Variants in SPTLC2 observed in about 807,000 individuals in gnomAD.
The protein encoded by SPTLC2 is serine palmitoyltransferase 2.
A neutral mutation model predicts 62.0 loss-of-function variants in SPTLC2; 21 were observed. The ratio of observed to expected loss-of-function variants is 0.34; its 90% confidence interval spans 0.24 to 0.49. The LOEUF (loss-of-function observed/expected upper bound fraction) is 0.49, where lower values mean the gene tolerates loss of function less well. Among genes scored for constraint, SPTLC2 ranks in the 20% least tolerant of loss-of-function variants. The pLI, the probability that SPTLC2 is intolerant of heterozygous loss-of-function variation, is 0.99. For missense variants in SPTLC2, 511 were observed against 713.0 expected (o/e 0.72, Z 3.23); for synonymous variants, 261 against 261.8 (o/e 1.00, Z 0.03).
intron 2 of SPTLC2, among the ~76,000 whole-genome samples, chr14:77,582,795 G>A (rs2079759063): frequency 6.6e-6 from 1 of 152,190 alleles, no homozygotes; most frequent in African/African-American, 2.4e-5. Flanking sequence ...AAAAGCGGGT[G>A]GCATAGAATG....
At chr14:77,567,443 C>T (rs910486635) in intron 5 of SPTLC2, among the ~76,000 whole-genome samples, 4 of 152,182 alleles carry the variant, frequency 2.6e-5, no homozygotes, top group African/African-American at 7.2e-5. Flanking sequence ...AGGACAGCAA[C>T]GTATTATAAC....
intron 11 of SPTLC2, among the ~76,000 whole-genome samples, chr14:77,513,587 A>G (rs1045450319): frequency 1.3e-5 from 2 of 152,118 alleles, no homozygotes; most frequent in Admixed American, 6.6e-5. Context: ...ACAAGATGTA[A>G]TAATTTAAGA....
At chr14:77,569,836 A>ATTT (rs1446031643) in intron 5 of SPTLC2, among the ~76,000 whole-genome samples, 6 of 34,882 alleles carry the variant, frequency 1.7e-4, no homozygotes, top group Non-Finnish European at 5.0e-4. Flanking sequence ...TATATATAAT[A>ATTT]TACAATATTA....
chr14:77,609,500 T>G (rs176898), intron 1 of SPTLC2, among the ~76,000 whole-genome samples: 87,115 of 152,038 alleles, frequency 0.57, 25,249 homozygotes, highest in East Asian at 0.68. Context: ...ACTTTGGAAG[T>G]CCGAAGCGGA....
chr14:77,562,897 A>T (rs2079622813), intron 5 of SPTLC2, among the ~76,000 whole-genome samples: 1 of 152,156 alleles, frequency 6.6e-6, no homozygotes, highest in Admixed American at 6.5e-5. Flanking sequence ...TGTCTGTGGA[A>T]ATGGTGCATT....
intron 4 of SPTLC2, among the ~76,000 whole-genome samples, chr14:77,574,427 A>T (rs1290713236): frequency 6.6e-6 from 1 of 152,216 alleles, no homozygotes; most frequent in East Asian, 1.9e-4. Context: ...CTCTTTGGAA[A>T]ACAGTTTAGC....
intron 2 of SPTLC2, among the ~76,000 whole-genome samples, chr14:77,594,164 T>C (rs977164341): frequency 1.3e-5 from 2 of 152,204 alleles, no homozygotes; most frequent in African/African-American, 4.8e-5. Flanking sequence ...GTTCTATATC[T>C]TCATATAATC....
At chr14:77,552,805 TAAAAA>T (rs58847640) in intron 8 of SPTLC2, among the ~76,000 whole-genome samples, 9,169 of 130,918 alleles carry the variant, frequency 0.07, 331 homozygotes, top group Middle Eastern at 0.088. Flanking sequence ...GACTCCGTCT[TAAAAA>T]AAAAAAAAAA....
intron 8 of SPTLC2, among the ~76,000 whole-genome samples, chr14:77,554,340 C>T (rs530065849): frequency 7.4e-4 from 113 of 152,252 alleles, no homozygotes; most frequent in Non-Finnish European, 1.2e-3. Flanking sequence ...CAGAGTTGTG[C>T]CACTTTTACC....
chr14:77,508,384 T>TATG lies in SPTLC2; in HGVS notation c.*3899_*3900insCAT, dbSNP rs2079316227. 6.6e-6 allele frequency: 1 copy of TATG among 152,164 alleles called. No individual in the cohort carries two copies. The highest frequency in any genetic ancestry group is 6.5e-5 in the Admixed American group (1 of 15,278). 9.4% of individuals were successfully genotyped at this position (152,164 alleles called of 1,614,324 possible). A position where few individuals can be genotyped will look rare whatever the true frequency, so the allele number is the denominator to read the frequency against. ...GAGGAAAGATACCTTGGGAATTAGG[T>TATG]CATAGCAATGCTTCAAACAACAACT... On this transcript the variant is annotated 3_prime_UTR_variant, in exon 12 of 12. Transcript: ENST00000216484.
Position 77,509,308 on chromosome 14 carries a change from A to G in SPTLC2, c.*2976T>C, listed in dbSNP as rs2079320662. The G allele has an allele frequency of 6.6e-6, 1 of 152,208 alleles. No individual in the cohort carries two copies. Among genetic ancestry groups the G allele is most frequent in the Non-Finnish European group, 1.5e-5 (1 of 68,038 alleles). 9.4% of individuals were successfully genotyped at this position (152,208 alleles called of 1,614,324 possible). On this transcript the variant is annotated 3_prime_UTR_variant, in exon 12 of 12. Transcript: ENST00000216484. ...CCCCTGCTAAGTTAAAGCTTAAAAA[A>G]AAAAAGATGCGAGGAGAAACCGCCA... is the stretch of plus-strand genomic sequence containing the variant.
At chr14:77,576,612 T>C (rs1394224744) in intron 4 of SPTLC2, among the ~76,000 whole-genome samples, 155 bp downstream of exon 4, 2 of 152,046 alleles carry the variant, frequency 1.3e-5, no homozygotes, top group Admixed American at 6.6e-5. Flanking sequence ...ATTGAAATCA[T>C]CCATCACACT....
At chr14:77,525,001 T>C (rs2079401720) in intron 9 of SPTLC2, among the ~76,000 whole-genome samples, 3 of 152,200 alleles carry the variant, frequency 2.0e-5, no homozygotes, top group Non-Finnish European at 2.9e-5. Flanking sequence ...AGAGCTGAAA[T>C]GTTCTAAACA....
At chr14:77,552,039 C>T in intron 9 of SPTLC2, 57 bp downstream of exon 9, 1 of 1,605,884 alleles carries the variant, frequency 6.2e-7, no homozygotes, top group Non-Finnish European at 8.5e-7. Context: ...TCAAGAAAAA[C>T]AGCACGTTTG....
At chr14:77,578,571 T>C (rs886615427) in intron 3 of SPTLC2, among the ~76,000 whole-genome samples, 2 of 151,700 alleles carry the variant, frequency 1.3e-5, no homozygotes, top group Admixed American at 1.3e-4. Flanking sequence ...AATACAAAAA[T>C]TAGCTGGGTG....
At chr14:77,575,132 G>A (rs1468757415) in intron 4 of SPTLC2, among the ~76,000 whole-genome samples, 3 of 152,178 alleles carry the variant, frequency 2.0e-5, no homozygotes, top group Non-Finnish European at 4.4e-5. Flanking sequence ...TGAGGTGGGA[G>A]GATGGCTGGA....
At chr14:77,570,277 C>A in intron 5 of SPTLC2, 107 bp downstream of exon 5, 74 of 1,176,226 alleles carry the variant, frequency 6.3e-5, no homozygotes, top group South Asian at 1.5e-4. Context: ...TTTGGCTAAA[C>A]TATGTTTAGC....
chr14:77,515,542 CTTTTTTTTTTTT>C (rs71128633), intron 11 of SPTLC2, among the ~76,000 whole-genome samples: 85,837 of 126,224 alleles, frequency 0.68, 28,937 homozygotes, highest in East Asian at 0.96. Flanking sequence ...AAGGGAAAGG[CTTTTTTTTTTTT>C]TTTTTTTTTT....
intron 5 of SPTLC2, among the ~76,000 whole-genome samples, chr14:77,565,688 G>A (rs190081101): frequency 3.3e-5 from 5 of 152,334 alleles, no homozygotes; most frequent in African/African-American, 1.2e-4. Flanking sequence ...CAGATTGGAG[G>A]AGACTGAGGA....
Sources: gnomAD v4.1 joint callset for allele counts (sites outside exome capture counted in the v4.1 genomes callset) on GRCh38, gnomAD v4.1.1 for gene constraint, MANE v1.5 for transcripts, NCBI Gene and HGNC (gene_info 2026-07-23, HGNC 2026-07-21) for gene names.